The following LZTS2 variants were observed in gnomAD, a reference collection of about 807,000 sequenced individuals.
The protein encoded by LZTS2 is leucine zipper putative tumor suppressor 2.
A neutral mutation model predicts 60.6 loss-of-function variants in LZTS2; 32 were observed. That is an observed-to-expected ratio of 0.53 (90% CI 0.40 to 0.71). LZTS2 has a LOEUF of 0.71. LZTS2 is among the 30% of genes least tolerant of loss of function. The pLI is 0.00. For synonymous variants in LZTS2, 360 were observed against 393.1 expected (o/e 0.92, Z 1.00); for missense variants, 792 against 901.9 (o/e 0.88, Z 1.56).
chr10:101,007,680 A>G (rs1005793057), exon 4 of LZTS2: 1 of 1,061,760 alleles, frequency 9.4e-7, no homozygotes, highest in Admixed American at 5.4e-5. Flanking sequence ...CCAAAGGAAG[A>G]ACTCAGAAAT....
chr10:101,006,616 G>T (rs1366174544), exon 4 of LZTS2: 3 of 1,600,752 alleles, frequency 1.9e-6, no homozygotes, highest in Non-Finnish European at 2.6e-6. Context: ...CTACGCTGCG[G>T]GTCAGTGAGG....
exon 1 of LZTS2, chr10:101,002,376 A>C: frequency 1.8e-6 from 1 of 570,152 alleles, no homozygotes. Context: ...CAGCACTTGA[A>C]GGGGGAGTCT....
intron 3 of LZTS2, 85 bp downstream of exon 4, chr10:101,005,800 C>T: frequency 2.8e-6 from 4 of 1,420,960 alleles, no homozygotes; most frequent in Non-Finnish European, 3.7e-6. Context: ...CTCCCTCAGC[C>T]TGCCACCCCC....
chr10:101,002,392 G>A, exon 1 of LZTS2: 1 of 660,470 alleles, frequency 1.5e-6, no homozygotes, highest in African/African-American at 1.9e-5. Context: ...AGTCTTGGTG[G>A]GGATCAGGGC....
chr10:101,002,927 T>C lies in LZTS2; in HGVS notation c.389T>C (p.Val130Ala), dbSNP rs1852076714. ...GGCCCACCACCAAAGCTCATCCCTG[T>C]CTCTGGAAAGCTGGAGAAGGTGAGG... The change falls in exon 1 of 4, where the codon GTC (valine) becomes GCC (alanine). Residue 130 changes from valine (V) to alanine (A), a missense_variant. Physicochemically the swap from Val to Ala is moderately conservative, Grantham distance 64 (BLOSUM62 0). Transcript: ENST00000370220. The C allele has an allele frequency of 1.1e-5, 17 of 1,611,286 alleles. No individual in the cohort carries two copies. Among genetic ancestry groups the C allele is most frequent in the Non-Finnish European group, 1.4e-5 (17 of 1,178,538 alleles).
chr10:101,002,998 G>A (rs1300938568), intron 1 of LZTS2, 52 bp downstream of exon 2: 2 of 1,534,142 alleles, frequency 1.3e-6, no homozygotes, highest in Non-Finnish European at 1.7e-6. Context: ...GTCCTCGCTT[G>A]GGAAACTGGA....
rs1237278766 is a variant in LZTS2, at chr10:101,007,446, C to A, written c.*278C>A. On this transcript the variant is annotated 3_prime_UTR_variant, in exon 4 of 4. Transcript: ENST00000370220. Reference sequence around the variant, plus strand: ...CCACCGCTGCCAGTGCCACTGCCAACCCTGTTCACAGGCGCTTCCAGCCCA... The same window carrying A: ...CCACCGCTGCCAGTGCCACTGCCAAACCTGTTCACAGGCGCTTCCAGCCCA... 2.7e-6 allele frequency: 4 copies of A among 1,475,246 alleles called. No individual in the cohort carries two copies. In the Admixed American group the frequency reaches 6.3e-5, roughly 23 times the overall value. 91.4% of individuals were successfully genotyped at this position (1,475,246 alleles called of 1,614,324 possible). A position where few individuals can be genotyped will look rare whatever the true frequency, so the allele number is the denominator to read the frequency against.
Position 101,002,522 on chromosome 10 carries a change from C to A in LZTS2, c.-17C>A, listed in dbSNP as rs765078833. 8 of 1,509,024 alleles carry A rather than the reference C, an allele frequency of 5.3e-6. No individual in the cohort carries two copies. The African/African-American group carries it at 7.0e-5, about 13-fold the overall frequency. The allele number at this position is 1,509,024 out of a possible 1,614,324, so 93.5% of individuals were successfully genotyped here. On this transcript the variant is annotated 5_prime_UTR_variant, in exon 1 of 4. Transcript: ENST00000370220. Reference sequence around the variant, plus strand: ...GTCGCCTGCGAGGCCGCTGGCCAGGCCTGAGCCTCTGCCACCATGGCCATT... The same window carrying A: ...GTCGCCTGCGAGGCCGCTGGCCAGGACTGAGCCTCTGCCACCATGGCCATT...
chr10:100,998,790 G>A (rs182967065), upstream of LZTS2: 310 of 152,556 alleles, frequency 2.0e-3, 2 homozygotes, highest in Middle Eastern at 0.01. Flanking sequence ...ACTTGAGACT[G>A]TGACTGGGTG....
intron 1 of LZTS2, 78 bp downstream of exon 2, chr10:101,003,024 T>C: frequency 6.7e-7 from 1 of 1,487,196 alleles, no homozygotes; most frequent in Non-Finnish European, 8.9e-7. Context: ...GAAGCTTATA[T>C]AGAGGAAAGA....
chr10:101,000,088 G>T (rs1011397086), exon 1 of LZTS2: 4 of 152,322 alleles, frequency 2.6e-5, no homozygotes, highest in African/African-American at 4.8e-5. Flanking sequence ...ATGGGTCAGG[G>T]GCTCCTGGCT....
At chr10:101,002,736 C>G (rs773385473) in exon 1 of LZTS2, 1 of 1,612,816 alleles carries the variant, frequency 6.2e-7, no homozygotes, top group African/African-American at 1.3e-5. Flanking sequence ...TACGGGGTGG[C>G]TATGAGGCAC....
At chr10:101,007,268 G>A (rs1590041015) in exon 4 of LZTS2, 1 of 1,428,270 alleles carries the variant, frequency 7.0e-7, no homozygotes, top group Non-Finnish European at 9.1e-7. Context: ...AAGGCTGAGG[G>A]CCCCAAAGCC....
chr10:101,006,657 G>A (rs376042428), exon 4 of LZTS2: 35 of 1,586,798 alleles, frequency 2.2e-5, no homozygotes, highest in African/African-American at 2.2e-4. Flanking sequence ...GAGGCCGCCC[G>A]AGCTCGGGAG....
exon 1 of LZTS2, chr10:101,001,795 G>C (rs536521210): frequency 6.6e-6 from 1 of 152,414 alleles, no homozygotes; most frequent in Non-Finnish European, 1.5e-5. Context: ...GCCTGTGGAG[G>C]CTCCTTCAGG....
intron 2 of LZTS2, 47 bp downstream of exon 3, chr10:101,004,213 AAGGCCCTGGG>A (rs753320298): frequency 6.5e-7 from 1 of 1,548,212 alleles, no homozygotes; most frequent in South Asian, 1.2e-5. Flanking sequence ...AGGACATCCC[AAGGCCCTGGG>A]ATGCAAGCGG....
chr10:101,002,142 C>T (rs1003457131), exon 1 of LZTS2: 12 of 169,374 alleles, frequency 7.1e-5, no homozygotes, highest in African/African-American at 2.1e-4. Context: ...GGGACCTGTG[C>T]TTCAAGCTGG....
At chr10:101,002,245 G>A (rs950685180) in exon 1 of LZTS2, 19 of 293,212 alleles carry the variant, frequency 6.5e-5, no homozygotes, top group African/African-American at 2.6e-4. Flanking sequence ...GTGGCCCTGC[G>A]GTAATCATCC....
exon 2 of LZTS2, chr10:101,003,902 C>T (rs766403239): frequency 1.9e-6 from 3 of 1,612,526 alleles, no homozygotes; most frequent in Non-Finnish European, 2.5e-6. Context: ...CTACTGGGCC[C>T]TCCCACTCAG....
Sources: gnomAD v4.1 joint callset for allele counts on GRCh38, gnomAD v4.1.1 for gene constraint, MANE v1.5 for transcripts, NCBI Gene and HGNC (gene_info 2026-07-23, HGNC 2026-07-21) for gene names.